Variants in G2E3 observed in about 807,000 individuals in gnomAD.
The protein encoded by G2E3 is G2/M phase-specific E3 ubiquitin-protein ligase.
G2E3 carries 35 observed loss-of-function variants against 92.8 expected under a neutral mutation model. The ratio of observed to expected loss-of-function variants is 0.38; its 90% confidence interval spans 0.29 to 0.50. The LOEUF (loss-of-function observed/expected upper bound fraction) is 0.50, where lower values mean the gene tolerates loss of function less well. Ranked by LOEUF, G2E3 falls within the 20% of genes least tolerant of loss-of-function variation. The probability of loss-of-function intolerance (pLI) is 0.94; values close to 1 mark genes in which losing one functional copy is unlikely to be tolerated. For synonymous variants in G2E3, 242 were observed against 272.4 expected, an observed-to-expected ratio of 0.89 and a Z score of 1.10; for missense variants, 554 against 823.8, an observed-to-expected ratio of 0.67 and a Z score of 4.01.
At chr14:30,589,595 A>G (rs1296488957) in intron 4 of G2E3, 111 bp downstream of exon 4, 33 of 621,070 alleles carry the variant, frequency 5.3e-5, no homozygotes, top group Non-Finnish European at 7.4e-5. Flanking sequence ...ATAGGTTTCA[A>G]TGCATATTTT....
intron 1 of G2E3, among the ~76,000 whole-genome samples, chr14:30,575,243 A>T (rs1880006892): frequency 1.3e-5 from 2 of 152,106 alleles, no homozygotes; most frequent in Non-Finnish European, 2.9e-5. Context: ...GTATCTGCTT[A>T]TGTCCTTTGG....
chr14:30,569,741 A>T (rs928967876), intron 1 of G2E3, among the ~76,000 whole-genome samples: 1 of 151,756 alleles, frequency 6.6e-6, no homozygotes, highest in African/African-American at 2.4e-5. Context: ...CAGCTGGTGA[A>T]GGGGGGGGAT....
intron 1 of G2E3, among the ~76,000 whole-genome samples, chr14:30,569,415 A>G (rs1174450738): frequency 6.6e-6 from 1 of 152,234 alleles, no homozygotes; most frequent in South Asian, 2.1e-4. Flanking sequence ...GTATAATTCA[A>G]GTGTAATGTT....
chr14:30,604,530 AT>A (rs1225302723), intron 10 of G2E3, among the ~76,000 whole-genome samples: 1 of 152,240 alleles, frequency 6.6e-6, no homozygotes, highest in Admixed American at 6.5e-5. Context: ...TTCTGATTCT[AT>A]AGATGCGCTG....
chr14:30,612,636 T>C (rs1882147766), intron 13 of G2E3, among the ~76,000 whole-genome samples: 1 of 152,142 alleles, frequency 6.6e-6, no homozygotes, highest in Non-Finnish European at 1.5e-5. Flanking sequence ...GGCAGGCAGA[T>C]CATTTGAGGT....
intron 1 of G2E3, among the ~76,000 whole-genome samples, chr14:30,579,306 C>A (rs1389733385): frequency 3.9e-5 from 6 of 152,106 alleles, no homozygotes; most frequent in Non-Finnish European, 8.8e-5. Flanking sequence ...TTGTTTTATA[C>A]ATTCTTTTAA....
At chr14:30,588,073 T>C (rs1880809524) in intron 3 of G2E3, among the ~76,000 whole-genome samples, 1 of 152,188 alleles carries the variant, frequency 6.6e-6, no homozygotes, top group African/African-American at 2.4e-5. Context: ...AAAGGTTAAA[T>C]AGAGTAGTAG....
At chr14:30,568,648 G>C (rs1177398119) in intron 1 of G2E3, among the ~76,000 whole-genome samples, 1 of 151,932 alleles carries the variant, frequency 6.6e-6, no homozygotes, top group Admixed American at 6.6e-5. Flanking sequence ...TACCCACTCA[G>C]CTTTCATAGT....
chr14:30,580,785 G>C (rs1052691836), intron 1 of G2E3: 1 of 315,050 alleles, frequency 3.2e-6, no homozygotes, highest in African/African-American at 2.2e-5. Context: ...GTGTAGGACT[G>C]TTTGGAGCAT....
intron 11 of G2E3, among the ~76,000 whole-genome samples, chr14:30,606,922 A>G (rs1307834629): frequency 6.6e-6 from 1 of 152,116 alleles, no homozygotes; most frequent in Non-Finnish European, 1.5e-5. Context: ...TTTGGGAAAG[A>G]TTATTTAGTG....
In G2E3 at chr14:30,605,817, T is replaced by C. The variant is rs1594507124; in HGVS notation, c.1318+5T>C. ...ACTTGTCTCTAAATTCTCAAGGTAA[T>C]TATTTTATTTATTGTTGTATATACC... On this transcript the variant is annotated splice_donor_5th_base_variant and intron_variant, in intron 11 of 14. Transcript: ENST00000206595. 1 of 1,445,366 alleles carries C rather than the reference T, an allele frequency of 6.9e-7. No individual in the cohort carries two copies. The highest frequency in any genetic ancestry group is 1.3e-5 in the South Asian group (1 of 74,792). 89.5% of individuals were successfully genotyped at this position (1,445,366 alleles called of 1,614,324 possible).
intron 2 of G2E3, among the ~76,000 whole-genome samples, chr14:30,583,219 A>G (rs1203278175): frequency 6.6e-6 from 1 of 152,224 alleles, no homozygotes; most frequent in Non-Finnish European, 1.5e-5. Context: ...TTAGCATCTT[A>G]ATAAAATTTT....
intron 4 of G2E3, 87 bp downstream of exon 4, chr14:30,589,571 T>G (rs1880894012): frequency 1.4e-6 from 1 of 707,446 alleles, no homozygotes; most frequent in Non-Finnish European, 2.4e-6. Context: ...TACTAGAAAT[T>G]TATGACTTTG....
Position 30,592,429 on chromosome 14 carries a change from A to G in G2E3, c.344A>G (p.Gln115Arg), listed in dbSNP as rs1482010772. 1 of 1,585,070 alleles carries G rather than the reference A, an allele frequency of 6.3e-7. No individual in the cohort carries two copies. The highest frequency in any genetic ancestry group is 2.3e-5 in the East Asian group (1 of 44,280). The change falls in exon 5 of 15, where the codon CAG (glutamine) becomes CGG (arginine). Residue 115 changes from glutamine (Q) to arginine (R), a missense_variant. Gln to Arg is a conservative substitution (Grantham distance 43). Coordinates refer to ENST00000206595, the MANE Select transcript of G2E3 (RefSeq NM_017769.5). ...GGACTTCAGAGAGAATGTATTTTCCAGTTTACTGGCAATTTTGCGTGAGTT... is the reference window on the plus strand; with the variant it reads ...GGACTTCAGAGAGAATGTATTTTCCGGTTTACTGGCAATTTTGCGTGAGTT... Reference protein sequence around the residue: ...PCGLQRECIFQFTGNFASFCW... With the variant: ...PCGLQRECIFRFTGNFASFCW...
chr14:30,593,735 C>T, intron 6 of G2E3, 96 bp downstream of exon 6: 2 of 809,216 alleles, frequency 2.5e-6, no homozygotes, highest in South Asian at 1.7e-5. Context: ...TGTATATTAC[C>T]TCTTACTACT....
intron 8 of G2E3, among the ~76,000 whole-genome samples, chr14:30,600,119 C>T (rs1238004459): frequency 6.6e-6 from 1 of 152,172 alleles, no homozygotes; most frequent in African/African-American, 2.4e-5. Context: ...TTTGTTATCA[C>T]TGTTATGTAG....
At chr14:30,568,631 G>GTT in intron 1 of G2E3, among the ~76,000 whole-genome samples, 1 of 152,110 alleles carries the variant, frequency 6.6e-6, no homozygotes, top group Non-Finnish European at 1.5e-5. Flanking sequence ...AACCTAGTTT[G>GTT]AATTAATACC....
chr14:30,575,061 T>G (rs1169722507), intron 1 of G2E3, among the ~76,000 whole-genome samples: 22 of 152,202 alleles, frequency 1.4e-4, no homozygotes, highest in Admixed American at 1.4e-3. Context: ...AGTGTTTCCT[T>G]TTCTCCACAA....
chr14:30,597,399 A>G (rs1462202184), intron 6 of G2E3, 21 bp from the exon 7 acceptor site: 1 of 1,161,076 alleles, frequency 8.6e-7, no homozygotes, highest in African/African-American at 1.5e-5. Context: ...TTAACAGTAG[A>G]CTTTTTATTT....
Sources: allele counts gnomAD v4.1 joint callset (sites outside exome capture counted in the v4.1 genomes callset), GRCh38; gene constraint gnomAD v4.1.1; transcripts MANE v1.5; gene names NCBI Gene and HGNC (gene_info 2026-07-23, HGNC 2026-07-21).